GRIK4: variants seen among roughly 807,000 people sequenced by gnomAD.
GRIK4 encodes glutamate receptor ionotropic, kainate 4.
A neutral mutation model predicts 104.9 loss-of-function variants in GRIK4; 40 were observed. The ratio of observed to expected loss-of-function variants is 0.38; its 90% CI spans 0.30 to 0.50. The LOEUF is 0.50. GRIK4 is among the 20% of genes least tolerant of loss of function. The pLI is 0.93. For synonymous variants in GRIK4, 485 were observed against 524.9 expected, an observed-to-expected ratio of 0.92 and a Z score of 1.04; for missense variants, 1,047 against 1,308.1, an observed-to-expected ratio of 0.80 and a Z score of 3.08.
intron 6 of GRIK4, among the ~76,000 whole-genome samples, chr11:120,827,435 T>TGGCAGGCAGGCA (rs143321553): frequency 6.6e-6 from 1 of 151,858 alleles, no homozygotes; most frequent in Non-Finnish European, 1.5e-5. Flanking sequence ...GCCTTAGACT[T>TGGCAGGCAGGCA]GGCAGGCAGG....
intron 1 of GRIK4, among the ~76,000 whole-genome samples, chr11:120,602,249 AG>A (rs909727146): frequency 6.6e-6 from 1 of 152,196 alleles, no homozygotes; most frequent in Non-Finnish European, 1.5e-5. Context: ...AATGATAAAA[AG>A]GTTGAAAACA....
intron 14 of GRIK4, among the ~76,000 whole-genome samples, chr11:120,942,678 A>G (rs1943754129): frequency 1.3e-5 from 2 of 152,208 alleles, no homozygotes; most frequent in Middle Eastern, 3.4e-3. Flanking sequence ...GACATCCCAA[A>G]TTGGATTGTT....
At chr11:120,738,920 G>A (rs1461287689) in intron 3 of GRIK4, among the ~76,000 whole-genome samples, 2 of 152,234 alleles carry the variant, frequency 1.3e-5, no homozygotes, top group South Asian at 2.1e-4. Context: ...AGACGCAGCC[G>A]GTAGGGAGCG....
chr11:120,658,156 CT>C (rs113425829), intron 2 of GRIK4, among the ~76,000 whole-genome samples: 1 of 150,034 alleles, frequency 6.7e-6, no homozygotes, highest in Non-Finnish European at 1.5e-5. Context: ...TTGTACCAGT[CT>C]TTTTTTTTGC....
chr11:120,744,686 A>G (rs1951408610), intron 3 of GRIK4, among the ~76,000 whole-genome samples: 1 of 152,230 alleles, frequency 6.6e-6, no homozygotes. Flanking sequence ...GCATTTGTAT[A>G]AAAAGACTCA....
chr11:120,590,264 C>T (rs1948718530), intron 1 of GRIK4, among the ~76,000 whole-genome samples: 1 of 152,212 alleles, frequency 6.6e-6, no homozygotes, highest in Non-Finnish European at 1.5e-5. Context: ...TCTGCTTCCT[C>T]TCATCTGGCC....
At chr11:120,576,326 A>G (rs1948483590) in intron 1 of GRIK4, 1 of 152,210 alleles carries the variant, frequency 6.6e-6, no homozygotes, top group Non-Finnish European at 1.5e-5. Context: ...AGAATCCACA[A>G]TGATAACTTT....
intron 3 of GRIK4, among the ~76,000 whole-genome samples, chr11:120,766,283 A>G (rs917555840): frequency 6.6e-6 from 1 of 152,154 alleles, no homozygotes; most frequent in African/African-American, 2.4e-5. Context: ...AAACCTCAGT[A>G]ATGGCAAACG....
intron 1 of GRIK4, among the ~76,000 whole-genome samples, chr11:120,533,285 T>C (rs762985564): frequency 6.6e-6 from 1 of 152,202 alleles, no homozygotes; most frequent in Non-Finnish European, 1.5e-5. Flanking sequence ...TAAGGGTTAA[T>C]AATATCTACA....
chr11:120,903,482 G>C lies in GRIK4; in HGVS notation c.1273-1808G>C, dbSNP rs1032283503. On this transcript the variant is annotated intron_variant, in intron 12 of 20. Coordinates refer to ENST00000527524, the MANE Select transcript of GRIK4 (RefSeq NM_014619.5). The surrounding 1 kb of genome is among the most constrained non-coding windows in gnomAD (Gnocchi z 4.4). ...CCTGCCTCCACCCTGCACTTCCTGG[G>C]CCCTTGCTCCACCAGCTAGCATGGT... Among the ~76,000 whole-genome samples the C allele has an allele frequency of 2.0e-5, 3 of 152,010 alleles. No individual in the cohort carries two copies. Among genetic ancestry groups the C allele is most frequent in the Non-Finnish European group, 4.4e-5 (3 of 67,984 alleles).
intron 11 of GRIK4, among the ~76,000 whole-genome samples, chr11:120,888,828 A>G (rs1218314283): frequency 6.6e-6 from 1 of 152,200 alleles, no homozygotes; most frequent in Non-Finnish European, 1.5e-5. Context: ...TTTAAAATGC[A>G]TGTCTTGACC....
chr11:120,583,551 A>G (rs1425781816), intron 1 of GRIK4, among the ~76,000 whole-genome samples: 6 of 151,572 alleles, frequency 4.0e-5, no homozygotes, highest in Admixed American at 2.0e-4. Context: ...GAGGCTCTCT[A>G]TTCTGTTCCA....
intron 11 of GRIK4, chr11:120,894,418 C>T (rs778455831): frequency 1.3e-5 from 2 of 152,188 alleles, no homozygotes; most frequent in Non-Finnish European, 2.9e-5. Context: ...AAGTCCAGCT[C>T]GAACTCTGCA....
In GRIK4 at chr11:120,831,668, C is replaced by T. The variant is rs1036913580; in HGVS notation, c.512-184C>T. On this transcript the variant is annotated intron_variant, in intron 6 of 20. Transcript: ENST00000527524. ...AGTGTTCTTTTATTTTAGATGGGATCATTGAAGCCCAAAGAGGCTGAGAAA... is the reference window on the plus strand; with the variant it reads ...AGTGTTCTTTTATTTTAGATGGGATTATTGAAGCCCAAAGAGGCTGAGAAA... Among the ~76,000 whole-genome samples, 10 of 152,104 alleles carry T rather than the reference C, an allele frequency of 6.6e-5. No individual in the cohort carries two copies. The East Asian group carries it at 7.7e-4, about 12-fold the overall frequency.
rs12575028 is a variant in GRIK4, at chr11:120,745,798, G to A, written c.83-56895G>A. On this transcript the variant is annotated intron_variant, in intron 3 of 20. Coordinates refer to ENST00000527524, the MANE Select transcript of GRIK4 (RefSeq NM_014619.5). ...GGATGAAGACTGAGAAAGAGATAGA[G>A]CTTGTTTTGGACTGTAGAACATTTA... Among the ~76,000 whole-genome samples the A allele has an allele frequency of 1.1e-4, 17 of 152,332 alleles. No homozygotes were observed. In the East Asian group the frequency reaches 3.1e-3, roughly 28 times the overall value.
At chr11:120,908,533 G>A (rs1052249840) in intron 13 of GRIK4, among the ~76,000 whole-genome samples, 28 of 152,108 alleles carry the variant, frequency 1.8e-4, no homozygotes, top group African/African-American at 6.8e-4. Context: ...AAACAGAGCC[G>A]AAGGTCAAAT....
chr11:120,551,503 G>A (rs752467208), intron 1 of GRIK4, among the ~76,000 whole-genome samples: 4 of 152,138 alleles, frequency 2.6e-5, no homozygotes, highest in Non-Finnish European at 4.4e-5. Context: ...GTTGTTGGCC[G>A]GGCATGGTGG....
Position 120,919,110 on chromosome 11 carries a change from C to A in GRIK4, c.1476+13617C>A, listed in dbSNP as rs141595864. Among the ~76,000 whole-genome samples, 383 of 152,266 alleles carry A rather than the reference C, an allele frequency of 2.5e-3. 2 individuals are homozygous for A. Among genetic ancestry groups the A allele is most frequent in the African/African-American group, 8.4e-3 (350 of 41,548 alleles). On this transcript the variant is annotated intron_variant, in intron 13 of 20. Coordinates refer to ENST00000527524, the MANE Select transcript of GRIK4 (RefSeq NM_014619.5). ...ACTGCAATGCCTCTCAGGGAAGTGCCGTCAAGTCAGACCTTGATAGACAAG... is the reference window on the plus strand; with the variant it reads ...ACTGCAATGCCTCTCAGGGAAGTGCAGTCAAGTCAGACCTTGATAGACAAG...
At chr11:120,752,787 A>G (rs1053375685) in intron 3 of GRIK4, among the ~76,000 whole-genome samples, 2 of 152,194 alleles carry the variant, frequency 1.3e-5, no homozygotes, top group Admixed American at 1.3e-4. Context: ...CTCGAGGGCC[A>G]CCTGTTGTCA....
Sources: allele counts gnomAD v4.1 joint callset (sites outside exome capture counted in the v4.1 genomes callset), GRCh38; gene constraint gnomAD v4.1.1; non-coding constraint Gnocchi (gnomAD v3.1); transcripts MANE v1.5; gene names NCBI Gene and HGNC (gene_info 2026-07-23, HGNC 2026-07-21).